PCDHA9: variants seen among roughly 807,000 people sequenced by gnomAD.
The protein encoded by PCDHA9 is protocadherin alpha 9.
In PCDHA9, 62 loss-of-function variants were observed where a neutral mutation model predicts 62.0. The ratio of observed to expected loss-of-function variants is 1.00; its 90% confidence interval spans 0.81 to 1.23. The LOEUF (loss-of-function observed/expected upper bound fraction) is 1.23, where lower values mean the gene tolerates loss of function less well. Ranked by LOEUF, PCDHA9 falls within the 50% of genes most tolerant of loss-of-function variation. The pLI is 0.00. For missense variants in PCDHA9, 1,205 were observed against 1,249.8 expected (o/e 0.96, Z 0.54); for synonymous variants, 557 against 567.6 (o/e 0.98, Z 0.27).
At chr5:140,852,612 C>A (rs1177069451) in intron 1 of PCDHA9, 1 of 914,612 alleles carries the variant, frequency 1.1e-6, no homozygotes, top group Non-Finnish European at 1.3e-6. Flanking sequence ...TCTTTCAAAA[C>A]TTGAGTGGTC....
At chr5:140,855,946 A>G in intron 1 of PCDHA9, 4 of 1,354,082 alleles carry the variant, frequency 3.0e-6, no homozygotes, top group Non-Finnish European at 4.0e-6. Flanking sequence ...GATCTCAGCC[A>G]TTTCGATAAA....
intron 1 of PCDHA9, among the ~76,000 whole-genome samples, chr5:140,948,711 C>CT (rs1443735728): frequency 6.8e-6 from 1 of 147,398 alleles, no homozygotes; most frequent in African/African-American, 2.7e-5. Context: ...GTTCTATCCT[C>CT]TTTTTTATCA....
chr5:140,882,637 G>A (rs540228460), intron 1 of PCDHA9: 1 of 1,614,234 alleles, frequency 6.2e-7, no homozygotes, highest in African/African-American at 1.3e-5. Flanking sequence ...AGGTGAAGGT[G>A]AGGGACATTA....
At chr5:140,955,652 A>T (rs1452679583) in intron 1 of PCDHA9, among the ~76,000 whole-genome samples, 2 of 152,180 alleles carry the variant, frequency 1.3e-5, no homozygotes, top group African/African-American at 4.8e-5. Context: ...ATTAATACAC[A>T]TATGAATTTT....
intron 3 of PCDHA9, among the ~76,000 whole-genome samples, chr5:141,003,397 C>T (rs370088269): frequency 2.0e-5 from 3 of 152,086 alleles, no homozygotes; most frequent in African/African-American, 4.8e-5. Flanking sequence ...CTGAAACCTC[C>T]GCCTCCCGGG....
At chr5:140,853,843 C>T (rs2042882869) in intron 1 of PCDHA9, 1 of 986,310 alleles carries the variant, frequency 1.0e-6, no homozygotes, top group African/African-American at 1.8e-5. Flanking sequence ...ATTTTAGATC[C>T]ATAGCCCTAT....
intron 1 of PCDHA9, among the ~76,000 whole-genome samples, chr5:140,935,915 CAG>C (rs2090644404): frequency 7.6e-6 from 1 of 131,048 alleles, no homozygotes; most frequent in Non-Finnish European, 1.6e-5. Flanking sequence ...TTTTTTGAGA[CAG>C]ATTCTCATTC....
intron 1 of PCDHA9, chr5:140,968,393 C>T (rs747934843): frequency 1.8e-5 from 29 of 1,613,976 alleles, no homozygotes; most frequent in East Asian, 2.2e-5. Context: ...TGAGAAGTTT[C>T]GGGAGTTCTT....
At chr5:140,867,449 G>A (rs1423382267) in intron 1 of PCDHA9, 3 of 152,036 alleles carry the variant, frequency 2.0e-5, no homozygotes, top group African/African-American at 7.2e-5. Context: ...CTGAATTAGA[G>A]TTCTAGTGTT....
At chr5:140,868,631 TTCTC>T (rs1180172037) in intron 1 of PCDHA9, 2 of 154,616 alleles carry the variant, frequency 1.3e-5, no homozygotes, top group African/African-American at 4.8e-5. Flanking sequence ...TGAATTCTCT[TTCTC>T]TCTCACTCTG....
In PCDHA9 at chr5:140,848,803, G is replaced by A; in HGVS notation, c.308G>A (p.Ser103Asn). ...CTGTGCGGGCGGAGCGCGGAGTGCA[G>A]CATCCACCTGGAGGTGATCGTAGAC... ...EELCGRSAEC[S>N]IHLEVIVDRP... The change falls in exon 1 of 4, where the codon AGC (serine) becomes AAC (asparagine). Residue 103 changes from serine (S) to asparagine (N), a missense_variant. This residue lies in a region of PCDHA9 where 208 missense variants were observed against 213.2 expected (regional missense o/e 0.98). Coordinates refer to ENST00000532602, the MANE Select transcript of PCDHA9 (RefSeq NM_031857.2). 3 of 1,592,286 alleles carry A rather than the reference G, an allele frequency of 1.9e-6. No homozygotes were observed. Among genetic ancestry groups the A allele is most frequent in the South Asian group, 1.1e-5 (1 of 90,206 alleles).
Position 140,849,995 on chromosome 5 carries a change from C to T in PCDHA9, c.1500C>T (p.Gly500=), listed in dbSNP as rs2150462177. The T allele has an allele frequency of 2.5e-6, 4 of 1,597,088 alleles. 1 individual carries two copies. The highest frequency in any genetic ancestry group is 1.7e-6 in the Non-Finnish European group (2 of 1,167,812). ...VSYSLVERRL[G]ERSLSSYVSV... is the part of the protein sequence containing the mutation. ...ACTCGCTGGTGGAGCGGCGGTTGGG[C>T]GAGCGCTCGCTGTCGAGCTACGTGT... The change falls in exon 1 of 4, where the codon GGC becomes GGT. Residue 500 remains glycine (G), a synonymous_variant. Transcript: ENST00000532602.
chr5:140,977,077 C>A (rs1303374839), intron 1 of PCDHA9, among the ~76,000 whole-genome samples: 1 of 152,138 alleles, frequency 6.6e-6, no homozygotes, highest in Non-Finnish European at 1.5e-5. Context: ...AGCAGCATGA[C>A]AAATTAAATG....
chr5:140,987,790 A>AT (rs1409478213), intron 3 of PCDHA9, among the ~76,000 whole-genome samples: 3 of 152,100 alleles, frequency 2.0e-5, no homozygotes, highest in Admixed American at 6.6e-5. Context: ...TATAGAGAAG[A>AT]TTTTTTTAAA....
At chr5:140,898,467 T>G (rs576206648) in intron 1 of PCDHA9, among the ~76,000 whole-genome samples, 147 of 152,296 alleles carry the variant, frequency 9.7e-4, no homozygotes, top group Non-Finnish European at 1.9e-3. Flanking sequence ...CATTGCTTGT[T>G]TTTCTCAGGT....
At chr5:140,910,985 A>G (rs1554194529) in intron 1 of PCDHA9, among the ~76,000 whole-genome samples, 1 of 151,754 alleles carries the variant, frequency 6.6e-6, no homozygotes, top group Non-Finnish European at 1.5e-5. Flanking sequence ...TATACTCTGA[A>G]CCTCACCCCT....
intron 3 of PCDHA9, among the ~76,000 whole-genome samples, chr5:140,996,531 G>C (rs782175834): frequency 6.6e-6 from 1 of 152,146 alleles, no homozygotes; most frequent in Non-Finnish European, 1.5e-5. Context: ...GGCCCTGTGT[G>C]TTTTGATATT....
chr5:140,876,718 G>A (rs1554168825), intron 1 of PCDHA9: 4 of 1,614,124 alleles, frequency 2.5e-6, no homozygotes, highest in African/African-American at 2.7e-5. Context: ...CCTGGACCGC[G>A]AGAGCGTGTC....
chr5:140,942,391 G>A (rs901640537), intron 1 of PCDHA9, among the ~76,000 whole-genome samples: 1 of 151,546 alleles, frequency 6.6e-6, no homozygotes, highest in Non-Finnish European at 1.5e-5. Context: ...CAGCCTGGGC[G>A]ACAGATGAGA....
Sources: gnomAD v4.1 joint callset for allele counts (sites outside exome capture counted in the v4.1 genomes callset) on GRCh38, gnomAD v4.1.1 for gene constraint, gnomAD v4.1.1 regional missense constraint, MANE v1.5 for transcripts, NCBI Gene and HGNC (gene_info 2026-07-23, HGNC 2026-07-21) for gene names.